The following KLHL24 variants were observed in gnomAD, a reference collection of about 807,000 sequenced individuals.
KLHL24 encodes kelch like family member 24.
A neutral mutation model predicts 53.4 loss-of-function variants in KLHL24; 29 were observed. That is an observed-to-expected ratio of 0.54 (90% CI 0.40 to 0.74). The LOEUF (loss-of-function observed/expected upper bound fraction) is 0.74. KLHL24 is among the 30% of genes least tolerant of loss of function. The pLI is 0.00. For synonymous variants in KLHL24, 222 were observed against 253.7 expected, an observed-to-expected ratio of 0.88 and a Z score of 1.19; for missense variants, 504 against 744.0, an observed-to-expected ratio of 0.68 and a Z score of 3.75.
intron 7 of KLHL24, among the ~76,000 whole-genome samples, chr3:183,678,219 A>T (rs188517899): frequency 2.0e-5 from 3 of 152,364 alleles, no homozygotes; most frequent in Admixed American, 2.0e-4. Flanking sequence ...TAACTGTAAG[A>T]TGTTATTTGA....
At chr3:183,678,692 C>G (rs1576994253) in intron 7 of KLHL24, among the ~76,000 whole-genome samples, 1 of 152,112 alleles carries the variant, frequency 6.6e-6, no homozygotes, top group East Asian at 1.9e-4. Context: ...TCTGAAAGGC[C>G]CGTGTGTGTG....
chr3:183,659,483 G>A lies in KLHL24; in HGVS notation c.921-3975G>A, dbSNP rs1194892466. Among the ~76,000 whole-genome samples, 3 of 152,238 alleles carry A rather than the reference G, an allele frequency of 2.0e-5. 1 individual carries two copies. Among genetic ancestry groups the A allele is most frequent in the Admixed American group, 2.0e-4 (3 of 15,276 alleles). On this transcript the variant is annotated intron_variant, in intron 3 of 7. Coordinates refer to ENST00000242810, the MANE Select transcript of KLHL24 (RefSeq NM_017644.3). Reference sequence around the variant, plus strand: ...ACCCGGGAAGAGGCAGAGATTGCAAGATCGTGTCACTGTACTCCAGCTTGA... The same window carrying A: ...ACCCGGGAAGAGGCAGAGATTGCAAAATCGTGTCACTGTACTCCAGCTTGA...
chr3:183,648,820 G>C (rs1347762789), intron 2 of KLHL24, among the ~76,000 whole-genome samples: 1 of 152,092 alleles, frequency 6.6e-6, no homozygotes. Context: ...TGGGCAACAT[G>C]GCAAAACCCC....
intron 5 of KLHL24, among the ~76,000 whole-genome samples, chr3:183,668,587 G>A (rs566974266): frequency 8.5e-5 from 13 of 152,274 alleles, no homozygotes; most frequent in African/African-American, 3.1e-4. Context: ...ACTTAGAAGT[G>A]TGTCTTAGGC....
intron 3 of KLHL24, among the ~76,000 whole-genome samples, chr3:183,662,495 TTTAGA>T (rs1244835694): frequency 6.6e-6 from 1 of 152,190 alleles, no homozygotes; most frequent in Non-Finnish European, 1.5e-5. Flanking sequence ...AACATTTTCA[TTTAGA>T]TTATATTTGT....
chr3:183,637,568 G>A (rs952936221), intron 1 of KLHL24, among the ~76,000 whole-genome samples: 1 of 152,110 alleles, frequency 6.6e-6, no homozygotes, highest in African/African-American at 2.4e-5. Context: ...TTTTCTAATC[G>A]CTTGAGTTAA....
chr3:183,658,104 T>G (rs564104765), intron 3 of KLHL24, among the ~76,000 whole-genome samples: 8 of 151,874 alleles, frequency 5.3e-5, no homozygotes, highest in Admixed American at 2.6e-4. Context: ...TCACAGCTAC[T>G]TGGGAGGCTG....
At chr3:183,647,984 G>A (rs1308632091) in intron 2 of KLHL24, among the ~76,000 whole-genome samples, 4 of 152,078 alleles carry the variant, frequency 2.6e-5, no homozygotes, top group Non-Finnish European at 4.4e-5. Context: ...CTCCAGCCTG[G>A]GCAACACAAG....
At position 183,650,274 on chromosome 3, in the gene KLHL24, G is replaced by GT. The variant is rs751818054; in HGVS notation, c.-61-18dup. ...TACTGAATTTTTTGCATATTGAAATGTTTTCCTTTTTTTACTTTTAGCCAC... is the reference window on the plus strand; with the variant it reads ...TACTGAATTTTTTGCATATTGAAATGTTTTTCCTTTTTTTACTTTTAGCCAC... On this transcript the variant is annotated intron_variant, in intron 2 of 7. Coordinates refer to ENST00000242810, the MANE Select transcript of KLHL24 (RefSeq NM_017644.3). The surrounding 1 kb of genome is among the most constrained non-coding windows in gnomAD (Gnocchi z 4.5). The GT allele has an allele frequency of 5.7e-5, 62 of 1,080,876 alleles. No homozygotes were observed. The highest frequency in any genetic ancestry group is 8.1e-5 in the Non-Finnish European group (61 of 752,424). The allele number at this position is 1,080,876 out of a possible 1,614,324, so 67.0% of individuals were successfully genotyped here. A position where few individuals can be genotyped will look rare whatever the true frequency, so the allele number is the denominator to read the frequency against.
At chr3:183,640,622 CAG>C (rs1716263074) in intron 1 of KLHL24, among the ~76,000 whole-genome samples, 1 of 121,498 alleles carries the variant, frequency 8.2e-6, no homozygotes, top group South Asian at 2.4e-4. Context: ...TTTTTTGAGA[CAG>C]AGTCTTGCTC....
At chr3:183,666,252 T>A (rs1302010463) in intron 5 of KLHL24, among the ~76,000 whole-genome samples, 1 of 136,012 alleles carries the variant, frequency 7.4e-6, no homozygotes, top group African/African-American at 3.1e-5. Flanking sequence ...TGTTTCTGAT[T>A]TTGGATATTT....
chr3:183,651,831 C>G (rs970684357), intron 3 of KLHL24, among the ~76,000 whole-genome samples: 3 of 152,046 alleles, frequency 2.0e-5, no homozygotes, highest in Non-Finnish European at 4.4e-5. Flanking sequence ...GACCTGTAGT[C>G]CCAGTTACTC....
intron 1 of KLHL24, among the ~76,000 whole-genome samples, chr3:183,640,225 C>G (rs1169924897): frequency 1.3e-5 from 2 of 152,132 alleles, no homozygotes; most frequent in Non-Finnish European, 2.9e-5. Context: ...CTTGGTATAC[C>G]ACGTGTGATG....
chr3:183,641,857 A>G (rs1716497755), intron 1 of KLHL24, among the ~76,000 whole-genome samples: 1 of 152,194 alleles, frequency 6.6e-6, no homozygotes. Context: ...CTGATATTAC[A>G]TATCTCCATC....
chr3:183,641,692 ATGT>A (rs1047826266), intron 1 of KLHL24, among the ~76,000 whole-genome samples: 2 of 152,004 alleles, frequency 1.3e-5, no homozygotes, highest in African/African-American at 4.8e-5. Flanking sequence ...GCTAGTCAGG[ATGT>A]TGTTGGTTCC....
At position 183,681,050 on chromosome 3, in the gene KLHL24, A is replaced by G. The variant is rs890435729; in HGVS notation, c.*1764A>G. 1.3e-5 allele frequency: 2 copies of G among 152,106 alleles called. No homozygotes were observed. Among genetic ancestry groups the G allele is most frequent in the African/African-American group, 4.8e-5 (2 of 41,454 alleles). 9.4% of individuals were successfully genotyped at this position (152,106 alleles called of 1,614,324 possible). On this transcript the variant is annotated 3_prime_UTR_variant, in exon 8 of 8. Transcript: ENST00000242810. ...TTCTGAGGAAAACTCTAAAAAACTT[A>G]AAAATTTTTAGGGAATTTTTATTTT...
At chr3:183,657,414 T>C (rs755625357) in intron 3 of KLHL24, among the ~76,000 whole-genome samples, 15 of 152,252 alleles carry the variant, frequency 9.9e-5, no homozygotes, top group Non-Finnish European at 1.6e-4. Flanking sequence ...CTTTCTGCTA[T>C]CTCTTACCTG....
chr3:183,641,322 G>A (rs973466451), intron 1 of KLHL24, among the ~76,000 whole-genome samples: 2 of 151,836 alleles, frequency 1.3e-5, no homozygotes, highest in Non-Finnish European at 1.5e-5. Context: ...GTGAAACCCC[G>A]TCTCTACTAA....
At chr3:183,667,789 T>C (rs1360846185) in intron 5 of KLHL24, among the ~76,000 whole-genome samples, 1 of 152,056 alleles carries the variant, frequency 6.6e-6, no homozygotes, top group Non-Finnish European at 1.5e-5. Flanking sequence ...CAGTCATGGC[T>C]CACTGCAGCC....
Sources: gnomAD v4.1 joint callset for allele counts (sites outside exome capture counted in the v4.1 genomes callset) on GRCh38, gnomAD v4.1.1 for gene constraint, Gnocchi (gnomAD v3.1) non-coding constraint, MANE v1.5 for transcripts, NCBI Gene and HGNC (gene_info 2026-07-23, HGNC 2026-07-21) for gene names.